TTC8: variants seen among roughly 807,000 people sequenced by gnomAD.
The protein encoded by TTC8 is tetratricopeptide repeat domain 8, also known as tetratricopeptide repeat protein 8.
In TTC8, 47 loss-of-function variants were observed where a neutral mutation model predicts 72.5. The ratio of observed to expected loss-of-function variants is 0.65; its 90% confidence interval spans 0.51 to 0.83. The LOEUF (loss-of-function observed/expected upper bound fraction) is 0.83. TTC8 is among the 40% of genes least tolerant of loss of function. The pLI, the probability that TTC8 is intolerant of heterozygous loss-of-function variation, is 0.00. For missense variants in TTC8, 611 were observed against 623.2 expected (o/e 0.98, Z 0.21); for synonymous variants, 199 against 221.4 (o/e 0.90, Z 0.90).
intron 9 of TTC8, among the ~76,000 whole-genome samples, chr14:88,859,902 AT>A (rs1274751254): frequency 2.6e-5 from 3 of 116,382 alleles, no homozygotes; most frequent in African/African-American, 5.1e-5. Context: ...ATATAATATA[AT>A]ATAAATATAA....
Position 88,877,770 on chromosome 14 carries a change from C to CATGTAGCTTAAGGAGTCTG in TTC8, c.*362_*380dup, listed in dbSNP as rs2094963172. ...AGTCCTTAAGCTGACTCTTAGCCATCATGTAGCTTAAGGAGTCTGAAATCT... is the reference window on the plus strand; with the variant it reads ...AGTCCTTAAGCTGACTCTTAGCCATCATGTAGCTTAAGGAGTCTGATGTAGCTTAAGGAGTCTGAAATCT... On this transcript the variant is annotated 3_prime_UTR_variant, in exon 15 of 15. Transcript: ENST00000380656. 5.5e-6 allele frequency: 1 copy of CATGTAGCTTAAGGAGTCTG among 180,740 alleles called. No homozygotes were observed. Among genetic ancestry groups the CATGTAGCTTAAGGAGTCTG allele is most frequent in the Non-Finnish European group, 1.2e-5 (1 of 85,690 alleles). The allele number at this position is 180,740 out of a possible 1,614,324, so 11.2% of individuals were successfully genotyped here.
intron 6 of TTC8, among the ~76,000 whole-genome samples, chr14:88,843,538 A>G (rs1488998958): frequency 3.9e-5 from 6 of 152,174 alleles, no homozygotes; most frequent in Admixed American, 1.3e-4. Flanking sequence ...TTTTACGACA[A>G]TTCTGAAGTT....
chr14:88,827,175 C>T (rs934765064), intron 1 of TTC8, among the ~76,000 whole-genome samples: 4 of 152,096 alleles, frequency 2.6e-5, no homozygotes, highest in East Asian at 3.9e-4. Context: ...TTCAGTATTG[C>T]ACCTATAAAT....
intron 6 of TTC8, among the ~76,000 whole-genome samples, chr14:88,841,947 A>G (rs887818143): frequency 1.3e-5 from 2 of 152,226 alleles, no homozygotes; most frequent in Non-Finnish European, 2.9e-5. Context: ...TTTATCAGGC[A>G]TCTCAAAAAG....
In TTC8 at chr14:88,857,241, G is replaced by A; in HGVS notation, c.762G>A (p.Gln254=). Residue 254 remains glutamine, a synonymous_variant, in exon 9 of 15, where the codon CAG becomes CAA. Transcript: ENST00000380656. Reference sequence around the variant, plus strand: ...AACAGTTTAAATCAGCCCTGAAGCAGCAGGAAATGGTAGATACATTTCTGT... The same window carrying A: ...AACAGTTTAAATCAGCCCTGAAGCAACAGGAAATGGTAGATACATTTCTGT... ...AEKQFKSALK[Q]QEMVDTFLYL... is the part of the protein sequence containing the mutation. 1 of 1,613,902 alleles carries A rather than the reference G, an allele frequency of 6.2e-7. No homozygotes were observed. The highest frequency in any genetic ancestry group is 1.3e-5 in the African/African-American group (1 of 75,020).
At chr14:88,849,519 G>T (rs2094823736) in intron 7 of TTC8, among the ~76,000 whole-genome samples, 1 of 152,040 alleles carries the variant, frequency 6.6e-6, no homozygotes, top group Non-Finnish European at 1.5e-5. Flanking sequence ...CAAATACAGA[G>T]AATATTATAG....
At position 88,871,360 on chromosome 14, in the gene TTC8, T is replaced by C. The variant is rs1468416830; in HGVS notation, c.1050-189T>C. On this transcript the variant is annotated intron_variant, in intron 11 of 14. Coordinates refer to ENST00000380656, the MANE Select transcript of TTC8 (RefSeq NM_144596.4). The surrounding 1 kb of genome is among the most constrained non-coding windows in gnomAD (Gnocchi z 4.1). ...GACACATTCCCCATGACTAGTACCA[T>C]TATGAAAGAGAGGTGTTTGTATTTG... Among the ~76,000 whole-genome samples the C allele has an allele frequency of 2.0e-5, 3 of 152,216 alleles. No homozygotes were observed. The highest frequency in any genetic ancestry group is 7.2e-5 in the African/African-American group (3 of 41,460).
At chr14:88,844,030 T>C (rs2094794468) in intron 7 of TTC8, among the ~76,000 whole-genome samples, 180 bp downstream of exon 7, 1 of 152,136 alleles carries the variant, frequency 6.6e-6, no homozygotes, top group Admixed American at 6.5e-5. Context: ...AATATACAAG[T>C]GATAAGAACT....
intron 14 of TTC8, 53 bp downstream of exon 14, chr14:88,875,162 GT>G: frequency 6.9e-7 from 1 of 1,452,174 alleles, no homozygotes. Context: ...TTTTTTCTTT[GT>G]TTTAAAAAAA....
chr14:88,858,663 G>A (rs750475797), intron 9 of TTC8, among the ~76,000 whole-genome samples: 6 of 151,318 alleles, frequency 4.0e-5, no homozygotes, highest in Admixed American at 6.6e-5. Flanking sequence ...CCATTATCAC[G>A]GCTCACTGCA....
chr14:88,875,810 AAAAT>A (rs2094954971), intron 14 of TTC8, among the ~76,000 whole-genome samples: 2 of 152,206 alleles, frequency 1.3e-5, no homozygotes, highest in African/African-American at 4.8e-5. Context: ...TATTGAAAAT[AAAAT>A]AAACTGTCAT....
At chr14:88,866,271 A>G (rs769185842) in intron 10 of TTC8, among the ~76,000 whole-genome samples, 1 of 152,112 alleles carries the variant, frequency 6.6e-6, no homozygotes, top group Non-Finnish European at 1.5e-5. Flanking sequence ...AAAACAAAAG[A>G]TAAAAATATC....
intron 6 of TTC8, among the ~76,000 whole-genome samples, chr14:88,842,004 C>T (rs1023454560): frequency 1.3e-5 from 2 of 151,918 alleles, no homozygotes; most frequent in African/African-American, 4.8e-5. Context: ...TAGTAATTAT[C>T]ACTACTCAAA....
intron 1 of TTC8, chr14:88,830,975 A>C: frequency 2.2e-6 from 1 of 454,696 alleles, no homozygotes; most frequent in Middle Eastern, 3.3e-4. Flanking sequence ...CCACATACTC[A>C]GCAGAGTCCT....
intron 1 of TTC8, chr14:88,831,035 G>A (rs757690051): frequency 5.3e-6 from 2 of 380,868 alleles, no homozygotes; most frequent in Non-Finnish European, 1.0e-5. Flanking sequence ...ATACCTTTGA[G>A]GTAAGAGACC....
At chr14:88,876,937 T>G (rs2094959788) in intron 14 of TTC8, among the ~76,000 whole-genome samples, 3 of 152,202 alleles carry the variant, frequency 2.0e-5, no homozygotes. Context: ...TTTCAGCATG[T>G]AAATATCACT....
Position 88,841,121 on chromosome 14 carries a change from T to C in TTC8, c.414T>C (p.Ala138=). 1 of 1,614,114 alleles carries C rather than the reference T, an allele frequency of 6.2e-7. No homozygotes were observed. Among genetic ancestry groups the C allele is most frequent in the South Asian group, 1.1e-5 (1 of 91,078 alleles). The change falls in exon 5 of 15, where the codon GCT becomes GCC. Residue 138 remains alanine (A), a synonymous_variant. Coordinates refer to ENST00000380656, the MANE Select transcript of TTC8 (RefSeq NM_144596.4). The part of the protein sequence containing the change: ...QSGRPGTMEQ[A]IRTPRTAYTA... ...GAAGGCCAGGCACTATGGAACAGGC[T>C]ATCAGAACACCCAGAACCGCCTACA...
In TTC8 at chr14:88,841,124, C is replaced by G. The variant is rs2094779029; in HGVS notation, c.417C>G (p.Ile139Met). The change falls in exon 5 of 15, where the codon ATC (isoleucine) becomes ATG (methionine). Residue 139 changes from isoleucine to methionine, a missense_variant. Transcript: ENST00000380656. ...GGCCAGGCACTATGGAACAGGCTAT[C>G]AGAACACCCAGAACCGCCTACACAG... ...SGRPGTMEQA[I>M]RTPRTAYTAR... 1 of 1,614,132 alleles carries G rather than the reference C, an allele frequency of 6.2e-7. No homozygotes were observed. Among genetic ancestry groups the G allele is most frequent in the South Asian group, 1.1e-5 (1 of 91,080 alleles).
At chr14:88,865,622 C>T (rs61985265) in intron 10 of TTC8, among the ~76,000 whole-genome samples, 31,766 of 151,960 alleles carry the variant, frequency 0.21, 3,842 homozygotes, top group East Asian at 0.32. Flanking sequence ...AAGCCAAGAT[C>T]GTGCCATTGC....
Sources: allele counts gnomAD v4.1 joint callset (sites outside exome capture counted in the v4.1 genomes callset), GRCh38; gene constraint gnomAD v4.1.1; non-coding constraint Gnocchi (gnomAD v3.1); transcripts MANE v1.5; gene names NCBI Gene and HGNC (gene_info 2026-07-23, HGNC 2026-07-21).